AGBL1: variants seen among roughly 807,000 people sequenced by gnomAD.
The protein encoded by AGBL1 is cytosolic carboxypeptidase 4.
Under a neutral mutation model 118.9 loss-of-function variants are expected in AGBL1, and 130 were observed. The observed-to-expected ratio is 1.09, with a 90% CI of 0.95 to 1.26. The LOEUF is 1.26. Ranked by LOEUF, AGBL1 falls within the 50% of genes most tolerant of loss-of-function variation. The pLI is 0.00. For synonymous variants in AGBL1, 555 were observed against 478.9 expected (o/e 1.16, Z -2.08); for missense variants, 1,584 against 1,298.1 (o/e 1.22, Z -3.38).
At chr15:86,278,580 T>C (rs880994) in intron 15 of AGBL1, among the ~76,000 whole-genome samples, 1 of 152,144 alleles carries the variant, frequency 6.6e-6, no homozygotes, top group Non-Finnish European at 1.5e-5. Flanking sequence ...CATGTTTGTT[T>C]TATTTTTCAA....
intron 23 of AGBL1, among the ~76,000 whole-genome samples, chr15:86,981,614 G>A (rs77136894): frequency 0.034 from 5,221 of 152,164 alleles, 129 homozygotes; most frequent in Middle Eastern, 0.068. Flanking sequence ...ATTGTTTTTC[G>A]TCACAGAAAT....
intron 22 of AGBL1, among the ~76,000 whole-genome samples, chr15:86,886,163 G>A (rs967806291): frequency 1.1e-4 from 16 of 152,078 alleles, no homozygotes; most frequent in Non-Finnish European, 2.1e-4. Context: ...TTCATATGAA[G>A]TAAGAAGCAA....
chr15:86,433,131 G>T (rs377140096), intron 18 of AGBL1, among the ~76,000 whole-genome samples: 4 of 152,242 alleles, frequency 2.6e-5, no homozygotes, highest in African/African-American at 9.6e-5. Context: ...GGCCTGGGAG[G>T]ACTGAGAAGA....
intron 23 of AGBL1, among the ~76,000 whole-genome samples, chr15:86,949,719 G>T (rs1380618166): frequency 6.6e-6 from 1 of 151,994 alleles, no homozygotes; most frequent in Non-Finnish European, 1.5e-5. Context: ...AGTAAAAAAG[G>T]TTTTGAAATA....
chr15:86,492,596 G>GAAAAAAAAAAAAAAAAAAAAA (rs998900235), intron 18 of AGBL1, among the ~76,000 whole-genome samples: 2 of 70,984 alleles, frequency 2.8e-5, no homozygotes, highest in African/African-American at 4.4e-5. Flanking sequence ...TCAAAAAAAA[G>GAAAAAAAAAAAAAAAAAAAAA]AAAAAAAAAA....
intron 17 of AGBL1, among the ~76,000 whole-genome samples, chr15:86,387,719 T>C (rs61387967): frequency 0.012 from 1,892 of 152,308 alleles, 41 homozygotes; most frequent in African/African-American, 0.041. Context: ...GGGCCTGTGG[T>C]CAGCCTTGGC....
At chr15:86,131,340 A>G (rs1274435392) in intron 1 of AGBL1, among the ~76,000 whole-genome samples, 1 of 152,222 alleles carries the variant, frequency 6.6e-6, no homozygotes, top group Non-Finnish European at 1.5e-5. Flanking sequence ...GGTACACATG[A>G]CAAAGCATTT....
intron 21 of AGBL1, among the ~76,000 whole-genome samples, chr15:86,645,090 A>G (rs1343100217): frequency 6.6e-6 from 1 of 152,152 alleles, no homozygotes; most frequent in African/African-American, 2.4e-5. Context: ...CATATGATTT[A>G]ATTAGAAAAA....
intron 22 of AGBL1, among the ~76,000 whole-genome samples, chr15:86,725,835 C>T (rs1204402496): frequency 6.6e-6 from 1 of 152,152 alleles, no homozygotes; most frequent in Non-Finnish European, 1.5e-5. Flanking sequence ...CACACACATA[C>T]CAGTGATTGC....
At chr15:86,819,895 T>C (rs1347080202) in intron 22 of AGBL1, among the ~76,000 whole-genome samples, 3 of 152,066 alleles carry the variant, frequency 2.0e-5, no homozygotes, top group African/African-American at 4.8e-5. Flanking sequence ...CAAACTATAC[T>C]ACAAGGCTAC....
At chr15:86,806,100 G>A (rs904197173) in intron 22 of AGBL1, among the ~76,000 whole-genome samples, 30 of 152,162 alleles carry the variant, frequency 2.0e-4, no homozygotes, top group African/African-American at 7.2e-4. Flanking sequence ...TGGAAGGAAG[G>A]AAGGGTGGGA....
intron 22 of AGBL1, among the ~76,000 whole-genome samples, chr15:86,810,468 C>G (rs1567184578): frequency 6.6e-6 from 1 of 152,054 alleles, no homozygotes; most frequent in African/African-American, 2.4e-5. Flanking sequence ...TTTCTCTAAA[C>G]CCTATTAATC....
chr15:86,096,858 T>G (rs1474317638), intron 1 of AGBL1, among the ~76,000 whole-genome samples: 1 of 152,188 alleles, frequency 6.6e-6, no homozygotes, highest in Non-Finnish European at 1.5e-5. Flanking sequence ...TGAAGTCAAA[T>G]GCTCTAAGAT....
At chr15:86,155,457 TAAA>T (rs2077175745) in intron 4 of AGBL1, among the ~76,000 whole-genome samples, 1 of 151,942 alleles carries the variant, frequency 6.6e-6, no homozygotes, top group African/African-American at 2.4e-5. Context: ...CTTAAAAAAA[TAAA>T]AAAAGTGAAG....
At chr15:86,283,004 C>A (rs1045112101) in intron 16 of AGBL1, among the ~76,000 whole-genome samples, 8 of 152,114 alleles carry the variant, frequency 5.3e-5, no homozygotes, top group Non-Finnish European at 1.2e-4. Flanking sequence ...TTGGTTCTTT[C>A]AAATGGATAT....
intron 18 of AGBL1, among the ~76,000 whole-genome samples, chr15:86,456,739 C>T (rs529174731): frequency 6.6e-6 from 1 of 152,204 alleles, no homozygotes; most frequent in East Asian, 1.9e-4. Flanking sequence ...TAATGTATTT[C>T]ATGACAGTTT....
intron 17 of AGBL1, among the ~76,000 whole-genome samples, chr15:86,371,458 T>C (rs539276644): frequency 4.3e-4 from 66 of 152,304 alleles, no homozygotes; most frequent in Non-Finnish European, 7.8e-4. Context: ...ATGTACTTCA[T>C]ATATATCATA....
At position 86,244,086 on chromosome 15, in the gene AGBL1, A is replaced by ATAT. The variant is rs1567150893; in HGVS notation, c.527-3585_527-3584insTAT. On this transcript the variant is annotated intron_variant, in intron 6 of 22. Coordinates refer to ENST00000614907, the MANE Select transcript of AGBL1 (RefSeq NM_001386094.1). Reference sequence around the variant, plus strand: ...AAGTAAATAAATAAATAAATAAATAAATATATATATAAGTAAATAGACACT... The same window carrying ATAT: ...AAGTAAATAAATAAATAAATAAATAATATATATATATATAAGTAAATAGACACT... 4.7e-5 allele frequency among the ~76,000 whole-genome samples: 7 copies of ATAT among 149,598 alleles called. No homozygotes were observed. The South Asian group carries it at 8.4e-4, about 18-fold the overall frequency.
intron 22 of AGBL1, among the ~76,000 whole-genome samples, chr15:86,703,128 G>A (rs1428697763): frequency 6.6e-6 from 1 of 152,168 alleles, no homozygotes; most frequent in African/African-American, 2.4e-5. Flanking sequence ...GTAGAGTGGT[G>A]ATAATGAATC....
Sources: allele counts gnomAD v4.1 joint callset (sites outside exome capture counted in the v4.1 genomes callset), GRCh38; gene constraint gnomAD v4.1.1; transcripts MANE v1.5; gene names NCBI Gene and HGNC (gene_info 2026-07-23, HGNC 2026-07-21).